The following SYT6 variants were observed in gnomAD, a reference collection of about 807,000 sequenced individuals.
SYT6 encodes the protein synaptotagmin 6, also known as synaptotagmin-6.
SYT6 carries 24 observed loss-of-function variants against 38.4 expected under a neutral mutation model. The observed-to-expected ratio is 0.62, with a 90% CI of 0.45 to 0.88. The LOEUF (loss-of-function observed/expected upper bound fraction) is 0.88, where lower values mean the gene tolerates loss of function less well. Ranked by LOEUF, SYT6 falls within the 40% of genes least tolerant of loss-of-function variation. The pLI, the probability that SYT6 is intolerant of heterozygous loss-of-function variation, is 0.00. For synonymous variants in SYT6, 265 were observed against 241.9 expected, an observed-to-expected ratio of 1.10 and a Z score of -0.89; for missense variants, 611 against 621.0, an observed-to-expected ratio of 0.98 and a Z score of 0.17.
At chr1:114,137,047 A>G (rs1678520323) in intron 3 of SYT6, among the ~76,000 whole-genome samples, 1 of 152,172 alleles carries the variant, frequency 6.6e-6, no homozygotes, top group African/African-American at 2.4e-5. Flanking sequence ...AACAAGGTGG[A>G]GCAGAGTCCC....
intron 2 of SYT6, 113 bp from the exon 3 acceptor site, chr1:114,138,166 C>A (rs900148604): frequency 9.6e-7 from 1 of 1,041,358 alleles, no homozygotes; most frequent in African/African-American, 1.6e-5. Flanking sequence ...GTTGAGCCCC[C>A]TTTTCCTTCC....
rs1474174529 is a variant in SYT6 at position 114,089,791 on chromosome 1, G to A, written c.*2343C>T. 2 of 152,544 alleles carry A rather than the reference G, an allele frequency of 1.3e-5. No homozygotes were observed. Among genetic ancestry groups the A allele is most frequent in the East Asian group, 3.7e-4 (2 of 5,336 alleles). The allele number at this position is 152,544 out of a possible 1,614,324, so 9.4% of individuals were successfully genotyped here. A position where few individuals can be genotyped will look rare whatever the true frequency, so the allele number is the denominator to read the frequency against. On this transcript the variant is annotated 3_prime_UTR_variant, in exon 8 of 8. Transcript: ENST00000610222. ...AAGCCTGTAGGAATTGACCCAGACT[G>A]CTAGAGCAGCAGCGGTTGCAGTTGG...
chr1:114,094,676 G>T (rs941815028), intron 6 of SYT6, among the ~76,000 whole-genome samples: 5 of 152,156 alleles, frequency 3.3e-5, no homozygotes, highest in African/African-American at 1.2e-4. Context: ...AAAAAGAAAT[G>T]ATCACAGCAC....
chr1:114,149,215 GAT>G lies in SYT6; in HGVS notation c.163+4393_163+4394del, dbSNP rs1491265489. 1.5e-3 allele frequency among the ~76,000 whole-genome samples: 219 copies of G among 147,864 alleles called. 2 individuals carry two copies. The highest frequency in any genetic ancestry group is 5.9e-3 in the Admixed American group (85 of 14,416). On this transcript the variant is annotated intron_variant, in intron 1 of 7. Coordinates refer to ENST00000610222, the MANE Select transcript of SYT6 (RefSeq NM_001253772.2). The stretch of plus-strand genomic sequence containing the variant: ...TATCTGAGAGAGAGAGAGAGAGAGA[GAT>G]TGTGTGTGTGTGTGTGTGTGTGTTG...
chr1:114,125,573 C>T lies in SYT6; in HGVS notation c.1071+11922G>A, dbSNP rs192523797. ...AGGATGAATGAGGGCCAGATGGGCTCGGGGTTGGCAGTGGCGTGGGGGCTG... is the reference window on the plus strand; with the variant it reads ...AGGATGAATGAGGGCCAGATGGGCTTGGGGTTGGCAGTGGCGTGGGGGCTG... On this transcript the variant is annotated intron_variant, in intron 3 of 7. Transcript: ENST00000610222. Among the ~76,000 whole-genome samples, 18 of 141,404 alleles carry T rather than the reference C, an allele frequency of 1.3e-4. No homozygotes were observed. The East Asian group carries it at 2.3e-3, about 18-fold the overall frequency. 92.8% of individuals were successfully genotyped at this position (141,404 alleles called of 152,430 possible).
intron 3 of SYT6, among the ~76,000 whole-genome samples, chr1:114,119,456 C>T (rs1241106937): frequency 7.9e-5 from 12 of 152,236 alleles, no homozygotes; most frequent in Non-Finnish European, 1.8e-4. Context: ...ATTCATTGAG[C>T]ACTTGCTGTG....
intron 6 of SYT6, among the ~76,000 whole-genome samples, chr1:114,096,223 A>G (rs1675633100): frequency 6.6e-6 from 1 of 150,390 alleles, no homozygotes; most frequent in South Asian, 2.1e-4. Flanking sequence ...TGCCTCCTGT[A>G]TTGTGGGCTC....
chr1:114,116,206 C>G (rs538341842), intron 3 of SYT6, among the ~76,000 whole-genome samples: 2 of 152,318 alleles, frequency 1.3e-5, no homozygotes, highest in South Asian at 2.1e-4. Context: ...TCATTTCTCA[C>G]GAAAGTCACC....
At chr1:114,116,744 C>T (rs1485124753) in intron 3 of SYT6, among the ~76,000 whole-genome samples, 1 of 152,234 alleles carries the variant, frequency 6.6e-6, no homozygotes, top group African/African-American at 2.4e-5. Context: ...TTCAGCTTAA[C>T]AATCAATGCC....
At chr1:114,096,383 A>C (rs1675643232) in intron 6 of SYT6, among the ~76,000 whole-genome samples, 1 of 152,198 alleles carries the variant, frequency 6.6e-6, no homozygotes, top group Admixed American at 6.5e-5. Flanking sequence ...ATGAAGCCTC[A>C]ACTGCCAGAA....
At chr1:114,105,312 C>CT (rs377724391) in intron 3 of SYT6, among the ~76,000 whole-genome samples, 8 of 150,632 alleles carry the variant, frequency 5.3e-5, no homozygotes, top group East Asian at 2.0e-4. Flanking sequence ...CCCTGTTCCC[C>CT]CCCTGGAGAA....
chr1:114,116,158 A>T (rs1676983284), intron 3 of SYT6, among the ~76,000 whole-genome samples: 4 of 152,230 alleles, frequency 2.6e-5, no homozygotes, highest in African/African-American at 9.6e-5. Flanking sequence ...CATCCTGCTC[A>T]CTTAAACCTG....
chr1:114,131,907 A>C (rs1678182174), intron 3 of SYT6, among the ~76,000 whole-genome samples: 16 of 152,204 alleles, frequency 1.1e-4, no homozygotes. Context: ...AAAACAGAAC[A>C]AAACACTCTT....
chr1:114,124,268 G>A (rs889989442), intron 3 of SYT6, among the ~76,000 whole-genome samples: 7 of 152,136 alleles, frequency 4.6e-5, no homozygotes, highest in Non-Finnish European at 7.4e-5. Flanking sequence ...ACAATCTTAG[G>A]GTCCCCACTG....
At chr1:114,137,343 T>G (rs1459768420) in intron 3 of SYT6, 152 bp downstream of exon 3, 2 of 848,720 alleles carry the variant, frequency 2.4e-6, no homozygotes, top group African/African-American at 1.7e-5. Flanking sequence ...AGTGCAAGGG[T>G]AGACTGGGCC....
chr1:114,111,090 A>T (rs1445020110), intron 3 of SYT6, among the ~76,000 whole-genome samples: 1 of 152,214 alleles, frequency 6.6e-6, no homozygotes, highest in East Asian at 1.9e-4. Flanking sequence ...AGGAGTCGGC[A>T]TGAAAAATCA....
At chr1:114,149,488 GA>G (rs754940577) in intron 1 of SYT6, among the ~76,000 whole-genome samples, 22 of 152,036 alleles carry the variant, frequency 1.4e-4, no homozygotes, top group Non-Finnish European at 2.5e-4. Flanking sequence ...CTGTGATGAG[GA>G]GAGACAATGC....
chr1:114,124,225 C>A (rs1277517350), intron 3 of SYT6, among the ~76,000 whole-genome samples: 1 of 152,188 alleles, frequency 6.6e-6, no homozygotes, highest in Non-Finnish European at 1.5e-5. Flanking sequence ...CAAAAACCTT[C>A]TATGGAGGGT....
At position 114,089,819 on chromosome 1, in the gene SYT6, A is replaced by C. The variant is rs1401234141; in HGVS notation, c.*2315T>G. On this transcript the variant is annotated 3_prime_UTR_variant, in exon 8 of 8. Transcript: ENST00000610222. Reference sequence around the variant, plus strand: ...AGAGCAGCAGCGGTTGCAGTTGGCCAGGGTGGTGTGGGGCTGGCTAGAATC... The same window carrying C: ...AGAGCAGCAGCGGTTGCAGTTGGCCCGGGTGGTGTGGGGCTGGCTAGAATC... 1 of 152,522 alleles carries C rather than the reference A, an allele frequency of 6.6e-6. No individual in the cohort carries two copies. Among genetic ancestry groups the C allele is most frequent in the African/African-American group, 2.4e-5 (1 of 41,464 alleles). The allele number at this position is 152,522 out of a possible 1,614,324, so 9.4% of individuals were successfully genotyped here.
Sources: allele counts gnomAD v4.1 joint callset (sites outside exome capture counted in the v4.1 genomes callset), GRCh38; gene constraint gnomAD v4.1.1; transcripts MANE v1.5; gene names NCBI Gene and HGNC (gene_info 2026-07-23, HGNC 2026-07-21).